MACROD1: variants seen among roughly 807,000 people sequenced by gnomAD.
The protein encoded by MACROD1 is mono-ADP ribosylhydrolase 1.
A neutral mutation model predicts 41.4 loss-of-function variants in MACROD1; 31 were observed. That is an observed-to-expected ratio of 0.75 (90% CI 0.56 to 1.01). MACROD1 has a LOEUF of 1.01. Among genes scored for constraint, MACROD1 ranks in the 50% least tolerant of loss-of-function variants. The pLI, the probability that MACROD1 is intolerant of heterozygous loss-of-function variation, is 0.00. For synonymous variants in MACROD1, 252 were observed against 203.4 expected (o/e 1.24, Z -2.03); for missense variants, 473 against 460.0 (o/e 1.03, Z -0.26).
chr11:64,069,767 A>G (rs1335908054), intron 3 of MACROD1, among the ~76,000 whole-genome samples: 1 of 152,208 alleles, frequency 6.6e-6, no homozygotes, highest in Non-Finnish European at 1.5e-5. Flanking sequence ...CTTCGCCAGG[A>G]AACCTCCGCA....
In MACROD1 at chr11:64,047,324, C is replaced by T. The variant is rs535485562; in HGVS notation, c.518-32043G>A. Among the ~76,000 whole-genome samples the T allele has an allele frequency of 4.1e-4, 62 of 152,192 alleles. 3 individuals are homozygous for T. In the South Asian group the frequency reaches 0.012, roughly 31 times the overall value. On this transcript the variant is annotated intron_variant, in intron 3 of 10. Transcript: ENST00000255681. ...CAGCCCTGGGAGTGGGTAGCGTGAG[C>T]CCATTTTAAGAAGGCGAAACCTGAG...
intron 3 of MACROD1, among the ~76,000 whole-genome samples, chr11:64,078,565 C>T (rs1037742033): frequency 3.9e-5 from 6 of 152,212 alleles, no homozygotes; most frequent in South Asian, 4.1e-4. Flanking sequence ...GGTGTGAGCG[C>T]GGCCCTGTGC....
intron 3 of MACROD1, among the ~76,000 whole-genome samples, chr11:64,125,946 ACAAT>A (rs2134645009): frequency 6.6e-6 from 1 of 152,236 alleles, no homozygotes; most frequent in South Asian, 2.1e-4. Flanking sequence ...CCACAAACCG[ACAAT>A]CAAAGCCATG....
At chr11:63,999,471 C>T in intron 7 of MACROD1, 59 bp downstream of exon 7, 8 of 1,568,792 alleles carry the variant, frequency 5.1e-6, no homozygotes, top group Non-Finnish European at 6.9e-6. Flanking sequence ...CCGCCCCGGC[C>T]CCTCCCGGCG....
chr11:64,048,916 C>T (rs143216820), intron 3 of MACROD1, among the ~76,000 whole-genome samples: 42 of 152,028 alleles, frequency 2.8e-4, no homozygotes, highest in African/African-American at 8.7e-4. Context: ...CCAGCCAGCT[C>T]GCCAGACCCT....
chr11:64,107,376 G>A (rs887158593), intron 3 of MACROD1, among the ~76,000 whole-genome samples: 2 of 137,944 alleles, frequency 1.4e-5, no homozygotes, highest in East Asian at 2.1e-4. Flanking sequence ...GTTTAATATC[G>A]AACACTGTTA....
chr11:64,031,840 T>C (rs1375584683), intron 3 of MACROD1, among the ~76,000 whole-genome samples: 1 of 152,226 alleles, frequency 6.6e-6, no homozygotes, highest in Non-Finnish European at 1.5e-5. Context: ...ACAGCCCGCC[T>C]ATCCAGAGGT....
At chr11:64,069,427 G>A (rs2134457603) in intron 3 of MACROD1, among the ~76,000 whole-genome samples, 1 of 152,338 alleles carries the variant, frequency 6.6e-6, no homozygotes, top group Admixed American at 6.5e-5. Context: ...CAGGGACCCT[G>A]GGGGTCTTGG....
chr11:64,047,941 C>T (rs1943616309), intron 3 of MACROD1, among the ~76,000 whole-genome samples: 1 of 152,020 alleles, frequency 6.6e-6, no homozygotes, highest in Non-Finnish European at 1.5e-5. Flanking sequence ...AGCAGAGCCC[C>T]AGCCCTGCAG....
intron 3 of MACROD1, among the ~76,000 whole-genome samples, chr11:64,109,829 C>T (rs984659475): frequency 5.3e-5 from 8 of 152,076 alleles, no homozygotes; most frequent in African/African-American, 1.7e-4. Context: ...GGGGCAACAC[C>T]TCAGCTTCAC....
At chr11:64,128,321 C>T (rs903298385) in intron 3 of MACROD1, among the ~76,000 whole-genome samples, 5 of 152,208 alleles carry the variant, frequency 3.3e-5, no homozygotes, top group African/African-American at 1.2e-4. Flanking sequence ...AGGGCTCTTT[C>T]TGGAACACAG....
intron 3 of MACROD1, among the ~76,000 whole-genome samples, chr11:64,111,748 C>A (rs1944866734): frequency 1.3e-5 from 2 of 152,228 alleles, no homozygotes; most frequent in African/African-American, 4.8e-5. Context: ...TGCATGCTGT[C>A]CTGGCTTCAA....
intron 4 of MACROD1, among the ~76,000 whole-genome samples, chr11:64,007,423 ACTGG>A (rs1435169793): frequency 6.6e-5 from 10 of 152,124 alleles, no homozygotes; most frequent in Non-Finnish European, 1.5e-4. Context: ...ATGAGAAAGA[ACTGG>A]CTTTGGAAGG....
rs112295472 is a variant in MACROD1 at position 63,999,867 on chromosome 11, C to T, written c.665-104G>A. 8.7e-4 allele frequency: 1,142 copies of T among 1,318,240 alleles called. 6 individuals carry two copies. In the Middle Eastern group the frequency reaches 0.014, roughly 16 times the overall value. The allele number at this position is 1,318,240 out of a possible 1,614,324, so 81.7% of individuals were successfully genotyped here. Reference sequence around the variant, plus strand: ...AGAAGGGGGCAGGAAACACCTTTCCCCCCAAGCGCTGAGCCTCCTCCGCGA... The same window carrying T: ...AGAAGGGGGCAGGAAACACCTTTCCTCCCAAGCGCTGAGCCTCCTCCGCGA... On this transcript the variant is annotated intron_variant, in intron 5 of 10. Coordinates refer to ENST00000255681, the MANE Select transcript of MACROD1 (RefSeq NM_014067.4).
intron 4 of MACROD1, among the ~76,000 whole-genome samples, chr11:64,008,701 G>A (rs1305648377): frequency 6.6e-6 from 1 of 152,180 alleles, no homozygotes; most frequent in Non-Finnish European, 1.5e-5. Context: ...AGGTGCTCAG[G>A]GCCGACGGCA....
intron 3 of MACROD1, among the ~76,000 whole-genome samples, chr11:64,042,126 ACAGATGTGCAC>A (rs1413673216): frequency 6.6e-6 from 1 of 152,008 alleles, no homozygotes; most frequent in African/African-American, 2.4e-5. Flanking sequence ...GGAGGGGGAG[ACAGATGTGCAC>A]CACGCTCACA....
intron 3 of MACROD1, among the ~76,000 whole-genome samples, chr11:64,023,823 C>T (rs532438852): frequency 2.0e-5 from 3 of 152,306 alleles, no homozygotes; most frequent in African/African-American, 7.2e-5. Flanking sequence ...CTGGTCTAAT[C>T]GAGGCATCCC....
chr11:64,001,261 C>T (rs1434640340), intron 4 of MACROD1: 24 of 611,196 alleles, frequency 3.9e-5, no homozygotes, highest in Non-Finnish European at 6.4e-5. Context: ...GCCCCTTCCC[C>T]TCTCTGGCGT....
At chr11:64,161,736 C>A (rs143396680) in intron 1 of MACROD1, among the ~76,000 whole-genome samples, 1 of 152,170 alleles carries the variant, frequency 6.6e-6, no homozygotes, top group African/African-American at 2.4e-5. Context: ...GAGTTTGAGA[C>A]CAGCCTGGGT....
Sources: gnomAD v4.1 joint callset for allele counts (sites outside exome capture counted in the v4.1 genomes callset) on GRCh38, gnomAD v4.1.1 for gene constraint, MANE v1.5 for transcripts, NCBI Gene and HGNC (gene_info 2026-07-23, HGNC 2026-07-21) for gene names.